The following GLI2 variants were observed in gnomAD, a reference collection of about 807,000 sequenced individuals.
The protein encoded by GLI2 is GLI family zinc finger 2.
GLI2 carries 22 observed loss-of-function variants against 78.9 expected under a neutral mutation model. That is an observed-to-expected ratio of 0.28 (90% CI 0.20 to 0.40). The LOEUF (loss-of-function observed/expected upper bound fraction) is 0.40, where lower values mean the gene tolerates loss of function less well. Among genes scored for constraint, GLI2 ranks in the 10% least tolerant of loss-of-function variants. GLI2 has a pLI of 1.00. For synonymous variants in GLI2, 974 were observed against 963.7 expected (o/e 1.01, Z -0.20); for missense variants, 2,097 against 2,213.2 (o/e 0.95, Z 1.05).
chr2:120,943,842 C>T (rs1680578035), intron 3 of GLI2, among the ~76,000 whole-genome samples: 1 of 152,172 alleles, frequency 6.6e-6, no homozygotes, highest in Non-Finnish European at 1.5e-5. Context: ...CCACATTGTT[C>T]AGCTTCTCCA....
rs769094105 is a variant in GLI2, at chr2:120,982,890, C to T, written c.1632+10C>T. ...CACCCACTCCAACGAGGTACCTCTG[C>T]GGGGCATGCACTGGGCATGCACACT... is the stretch of plus-strand genomic sequence containing the variant. On this transcript the variant is annotated intron_variant, in intron 11 of 13. Coordinates refer to ENST00000361492, the MANE Select transcript of GLI2 (RefSeq NM_001374353.1). 33 of 1,613,064 alleles carry T rather than the reference C, an allele frequency of 2.0e-5. No homozygotes were observed. The East Asian group carries it at 3.6e-4, about 17-fold the overall frequency.
rs555600223 is a variant in GLI2 at position 120,866,974 on chromosome 2, C to T, written c.149-60387C>T. ...GACTCCACTTCCAGGCTCTGCAGCT[C>T]TCAGTGCCCTCAGGGAACTGCAGGG... is the stretch of plus-strand genomic sequence containing the variant. On this transcript the variant is annotated intron_variant, in intron 2 of 13. Transcript: ENST00000361492. 1.0e-4 allele frequency: 16 copies of T among 152,432 alleles called. No individual in the cohort carries two copies. In the East Asian group the frequency reaches 1.9e-3, roughly 18 times the overall value. 9.4% of individuals were successfully genotyped at this position (152,432 alleles called of 1,614,324 possible).
At chr2:120,822,081 A>C (rs1360129114) in intron 2 of GLI2, among the ~76,000 whole-genome samples, 1 of 152,216 alleles carries the variant, frequency 6.6e-6, no homozygotes, top group Admixed American at 6.5e-5. Context: ...TGTTCCTGCT[A>C]TGCCAGTGAT....
chr2:120,916,878 G>A (rs1374865023), intron 2 of GLI2, among the ~76,000 whole-genome samples: 1 of 152,352 alleles, frequency 6.6e-6, no homozygotes, highest in East Asian at 1.9e-4. Context: ...CGTATCCCTA[G>A]ATCAGACCTG....
chr2:120,981,260 C>T (rs1682707218), intron 10 of GLI2, among the ~76,000 whole-genome samples: 1 of 152,148 alleles, frequency 6.6e-6, no homozygotes, highest in South Asian at 2.1e-4. Flanking sequence ...TGTCTGAGTC[C>T]ATTTGCTGAA....
chr2:120,881,204 A>C (rs985733657), intron 2 of GLI2, among the ~76,000 whole-genome samples: 1 of 152,224 alleles, frequency 6.6e-6, no homozygotes, highest in African/African-American at 2.4e-5. Context: ...TCCTACTCCA[A>C]ATACCCTGTC....
intron 3 of GLI2, among the ~76,000 whole-genome samples, chr2:120,932,242 A>G (rs181772134): frequency 5.9e-5 from 9 of 152,258 alleles, no homozygotes; most frequent in Admixed American, 1.3e-4. Context: ...GTACGGTGTC[A>G]TCTCATTTCT....
chr2:120,744,277 T>C (rs1267275661), intron 1 of GLI2, among the ~76,000 whole-genome samples: 1 of 152,192 alleles, frequency 6.6e-6, no homozygotes, highest in Admixed American at 6.5e-5. Flanking sequence ...CATGATACAT[T>C]GTGTGTGTCC....
Position 120,975,073 on chromosome 2 carries a change from C to T in GLI2, c.1281C>T (p.Cys427=). 6.2e-7 allele frequency: 1 copy of T among 1,614,026 alleles called. No individual in the cohort carries two copies. Among genetic ancestry groups the T allele is most frequent in the Non-Finnish European group, 8.5e-7 (1 of 1,180,024 alleles). The change falls in exon 9 of 14, where the codon TGC becomes TGT. Residue 427 remains cysteine, a synonymous_variant. Transcript: ENST00000361492. ...AGACCAACTGCCACTGGGAAGACTG[C>T]ACCAAGGAGTACGACACCCAGGAGC... ...IYETNCHWED[C]TKEYDTQEQL... is the part of the protein sequence containing the mutation.
chr2:120,919,844 G>GTGT (rs10678059), intron 2 of GLI2, among the ~76,000 whole-genome samples: 142,102 of 152,170 alleles, frequency 0.93, 66,404 homozygotes, highest in East Asian at 1. Flanking sequence ...TGACCCTGGA[G>GTGT]CGGCCAATTG....
intron 2 of GLI2, among the ~76,000 whole-genome samples, chr2:120,834,946 C>T (rs1686537939): frequency 6.6e-6 from 1 of 152,166 alleles, no homozygotes; most frequent in East Asian, 1.9e-4. Flanking sequence ...CACATGGGTC[C>T]TCACTCTTCA....
rs144927314 is a variant in GLI2 at position 120,760,493 on chromosome 2, T to C, written c.-31+24208T>C. ...ACTTCTGGAGGTTGTGTTAGGAGAT[T>C]TGGGGGACTCTTCCCCTTTGGCACT... On this transcript the variant is annotated intron_variant, in intron 1 of 13. Coordinates refer to ENST00000361492, the MANE Select transcript of GLI2 (RefSeq NM_001374353.1). 7.6e-3 allele frequency among the ~76,000 whole-genome samples: 1,161 copies of C among 152,218 alleles called. 14 individuals carry two copies. Among genetic ancestry groups the C allele is most frequent in the African/African-American group, 0.026 (1,081 of 41,532 alleles).
chr2:120,778,103 A>C (rs1454902004), intron 1 of GLI2, among the ~76,000 whole-genome samples: 1 of 152,126 alleles, frequency 6.6e-6, no homozygotes, highest in Non-Finnish European at 1.5e-5. Context: ...AAGGTGGCCC[A>C]GTACCCACTG....
chr2:120,833,632 A>G (rs1254256280), intron 2 of GLI2, among the ~76,000 whole-genome samples: 1 of 152,114 alleles, frequency 6.6e-6, no homozygotes. Flanking sequence ...TTGACTGTCC[A>G]TGGACTTTGG....
chr2:120,809,060 T>C (rs758605141), intron 2 of GLI2, among the ~76,000 whole-genome samples: 6 of 152,130 alleles, frequency 3.9e-5, no homozygotes, highest in Non-Finnish European at 8.8e-5. Context: ...CAAAACTTTG[T>C]ATATGGGTGT....
At chr2:120,853,757 G>A (rs1400870420) in intron 2 of GLI2, among the ~76,000 whole-genome samples, 1 of 152,202 alleles carries the variant, frequency 6.6e-6, no homozygotes, top group Non-Finnish European at 1.5e-5. Flanking sequence ...GGCCCCAGGG[G>A]TCAGGTCCCC....
At chr2:120,830,294 C>T (rs1686295114) in intron 2 of GLI2, among the ~76,000 whole-genome samples, 1 of 152,228 alleles carries the variant, frequency 6.6e-6, no homozygotes, top group African/African-American at 2.4e-5. Context: ...GGCCTAGCTC[C>T]CTCTGCCCTC....
chr2:120,828,269 T>G (rs936425629), intron 2 of GLI2, among the ~76,000 whole-genome samples: 2 of 152,206 alleles, frequency 1.3e-5, no homozygotes, highest in African/African-American at 4.8e-5. Context: ...GAAACGTTCG[T>G]TAGTTCTCCC....
At chr2:120,744,088 T>C (rs1318343689) in intron 1 of GLI2, among the ~76,000 whole-genome samples, 2 of 152,236 alleles carry the variant, frequency 1.3e-5, no homozygotes, top group African/African-American at 4.8e-5. Flanking sequence ...TTTCAGACTT[T>C]CCTCGAGGCT....
Sources: allele counts gnomAD v4.1 joint callset (sites outside exome capture counted in the v4.1 genomes callset), GRCh38; gene constraint gnomAD v4.1.1; transcripts MANE v1.5; gene names NCBI Gene and HGNC (gene_info 2026-07-23, HGNC 2026-07-21).